Variants in TRPM3 observed in about 807,000 individuals in gnomAD.
TRPM3 encodes the protein long transient receptor potential channel 3.
A neutral mutation model predicts 181.2 loss-of-function variants in TRPM3; 77 were observed. That is an observed-to-expected ratio of 0.42 (90% CI 0.35 to 0.51). TRPM3 has a LOEUF of 0.51. TRPM3 is among the 20% of genes least tolerant of loss of function. TRPM3 has a pLI of 0.01. For missense variants in TRPM3, 1,759 were observed against 2,196.7 expected (o/e 0.80, Z 3.98); for synonymous variants, 745 against 796.4 (o/e 0.94, Z 1.09).
intron 1 of TRPM3, among the ~76,000 whole-genome samples, chr9:70,940,163 C>G (rs945676238): frequency 6.6e-6 from 1 of 152,122 alleles, no homozygotes; most frequent in Admixed American, 6.6e-5. Flanking sequence ...CTGTTAGAAG[C>G]ACAAAATATG....
In TRPM3 at chr9:70,613,459, G is replaced by A. The variant is rs534676719; in HGVS notation, c.2526+2449C>T. 3.9e-5 allele frequency among the ~76,000 whole-genome samples: 6 copies of A among 152,308 alleles called. No individual in the cohort carries two copies. The South Asian group carries it at 1.2e-3, about 32-fold the overall frequency. ...TCCCATTCCAAGAGAGGATATACTG[G>A]TTTAACACAGAAGCTCAAATATCAA... is the stretch of plus-strand genomic sequence containing the variant. On this transcript the variant is annotated intron_variant, in intron 18 of 25. Coordinates refer to ENST00000677713, the MANE Select transcript of TRPM3 (RefSeq NM_001366145.2).
At chr9:71,315,551 ATTAATT>A (rs2132429937) in intron 1 of TRPM3, among the ~76,000 whole-genome samples, 1 of 152,246 alleles carries the variant, frequency 6.6e-6, no homozygotes, top group East Asian at 1.9e-4. Flanking sequence ...TTAAAATACA[ATTAATT>A]TTAAGACCAT....
intron 6 of TRPM3, among the ~76,000 whole-genome samples, chr9:70,806,303 G>GT (rs11383595): frequency 0.31 from 47,618 of 151,850 alleles, 9,067 homozygotes; most frequent in African/African-American, 0.53. Context: ...AAAATCAACT[G>GT]TTCCTTATTT....
intron 7 of TRPM3, among the ~76,000 whole-genome samples, chr9:70,764,049 G>A (rs937454650): frequency 6.6e-6 from 1 of 152,132 alleles, no homozygotes; most frequent in African/African-American, 2.4e-5. Flanking sequence ...GAACAAAATA[G>A]GGCTGCAGAG....
At chr9:71,217,452 C>G (rs76836180) in intron 1 of TRPM3, among the ~76,000 whole-genome samples, 2 of 152,278 alleles carry the variant, frequency 1.3e-5, no homozygotes, top group South Asian at 4.1e-4. Context: ...ATAAAGTCAA[C>G]GGCTAAGCAT....
At position 71,260,975 on chromosome 9, in the gene TRPM3, T is replaced by C. The variant is rs1159516880; in HGVS notation, c.183+185678A>G. Among the ~76,000 whole-genome samples, 3 of 152,326 alleles carry C rather than the reference T, an allele frequency of 2.0e-5. 1 individual carries two copies. Among genetic ancestry groups the C allele is most frequent in the Admixed American group, 1.3e-4 (2 of 15,298 alleles). Reference sequence around the variant, plus strand: ...TCAACCTTGGTGAATCTGACGATTATGTGTCTTGGGGTTGTTCTTCTTGAG... The same window carrying C: ...TCAACCTTGGTGAATCTGACGATTACGTGTCTTGGGGTTGTTCTTCTTGAG... On this transcript the variant is annotated intron_variant, in intron 1 of 24. Transcript: ENST00000357533.
intron 1 of TRPM3, among the ~76,000 whole-genome samples, chr9:71,081,085 A>AC (rs1322406465): frequency 6.6e-6 from 1 of 151,222 alleles, no homozygotes; most frequent in Non-Finnish European, 1.5e-5. Context: ...CAAGTCCAAG[A>AC]CCCCCCTCTC....
intron 1 of TRPM3, among the ~76,000 whole-genome samples, chr9:71,407,805 A>G (rs2093465955): frequency 6.6e-6 from 1 of 152,168 alleles, no homozygotes; most frequent in African/African-American, 2.4e-5. Context: ...AAGTAGCCTG[A>G]CTGGGAGACA....
At chr9:71,146,411 G>T (rs768790616) in intron 1 of TRPM3, among the ~76,000 whole-genome samples, 1 of 152,104 alleles carries the variant, frequency 6.6e-6, no homozygotes, top group Non-Finnish European at 1.5e-5. Flanking sequence ...GAAGCAACTT[G>T]TTCCAATCTA....
intron 1 of TRPM3, among the ~76,000 whole-genome samples, chr9:70,880,652 G>C (rs370174646): frequency 2.6e-5 from 4 of 152,170 alleles, no homozygotes; most frequent in African/African-American, 9.6e-5. Context: ...GAAATGCTTT[G>C]TTCAGCTTAA....
At chr9:70,984,521 T>C (rs559901844) in intron 1 of TRPM3, among the ~76,000 whole-genome samples, 39 of 152,350 alleles carry the variant, frequency 2.6e-4, no homozygotes, top group African/African-American at 9.4e-4. Context: ...CTGTTTTATA[T>C]AGTTCTAACT....
chr9:70,567,817 T>C, intron 22 of TRPM3, among the ~76,000 whole-genome samples: 1 of 152,192 alleles, frequency 6.6e-6, no homozygotes, highest in African/African-American at 2.4e-5. Context: ...AGGGAGTTTA[T>C]AAAAGAATGT....
At chr9:70,916,723 G>A (rs535473569) in intron 1 of TRPM3, among the ~76,000 whole-genome samples, 2 of 152,116 alleles carry the variant, frequency 1.3e-5, no homozygotes, top group African/African-American at 4.8e-5. Context: ...TAAAGAATAA[G>A]CCATAAATAG....
At chr9:70,938,329 C>T (rs150282530) in intron 1 of TRPM3, among the ~76,000 whole-genome samples, 150 of 152,314 alleles carry the variant, frequency 9.8e-4, no homozygotes, top group Non-Finnish European at 1.5e-3. Flanking sequence ...TCTTTAAGAT[C>T]ACCAATAAGT....
intron 1 of TRPM3, among the ~76,000 whole-genome samples, chr9:70,948,032 C>T (rs2096954745): frequency 6.6e-6 from 1 of 151,878 alleles, no homozygotes; most frequent in Non-Finnish European, 1.5e-5. Flanking sequence ...CACATAATTC[C>T]TTAACTTGAT....
intron 1 of TRPM3, among the ~76,000 whole-genome samples, chr9:71,159,079 G>A (rs2076145091): frequency 6.8e-6 from 1 of 147,032 alleles, no homozygotes; most frequent in African/African-American, 2.5e-5. Flanking sequence ...CCATAATGGT[G>A]TGAGCCTATA....
chr9:71,245,269 C>A (rs1313002899), intron 1 of TRPM3, among the ~76,000 whole-genome samples: 1 of 151,844 alleles, frequency 6.6e-6, no homozygotes, highest in Non-Finnish European at 1.5e-5. Context: ...ATGGCGAAAC[C>A]CCATCTCTAC....
intron 1 of TRPM3, among the ~76,000 whole-genome samples, chr9:70,962,789 C>A (rs74587379): frequency 3.2e-4 from 48 of 152,078 alleles, no homozygotes; most frequent in African/African-American, 9.9e-4. Context: ...TGGTACCTTG[C>A]GTAACTGAAA....
At chr9:71,137,520 T>C (rs1403657190) in intron 1 of TRPM3, among the ~76,000 whole-genome samples, 1 of 152,212 alleles carries the variant, frequency 6.6e-6, no homozygotes, top group African/African-American at 2.4e-5. Context: ...ATTTGGTAAT[T>C]GTGTCAACAT....
Sources: allele counts gnomAD v4.1 joint callset (sites outside exome capture counted in the v4.1 genomes callset), GRCh38; gene constraint gnomAD v4.1.1; transcripts MANE v1.5; gene names NCBI Gene and HGNC (gene_info 2026-07-23, HGNC 2026-07-21).